The following MEIG1 variants were observed in gnomAD, a reference collection of about 807,000 sequenced individuals.
MEIG1 encodes meiosis expressed gene 1 protein homolog.
In MEIG1, 12 loss-of-function variants were observed where a neutral mutation model predicts 11.3. The ratio of observed to expected loss-of-function variants is 1.07; its 90% CI spans 0.68 to 1.73. The LOEUF (loss-of-function observed/expected upper bound fraction) is 1.73. MEIG1 is among the 40% of genes most tolerant of loss of function. MEIG1 has a pLI of 0.00. For missense variants in MEIG1, 119 were observed against 104.9 expected (o/e 1.13, Z -0.59); for synonymous variants, 41 against 33.2 (o/e 1.24, Z -0.81).
At chr10:14,967,628 T>C (rs1843102161) in intron 2 of MEIG1, among the ~76,000 whole-genome samples, 1 of 152,018 alleles carries the variant, frequency 6.6e-6, no homozygotes, top group African/African-American at 2.4e-5. Flanking sequence ...AGACGTGTTT[T>C]TACAAATTCA....
At chr10:14,971,216 G>GATAATGATAATA (rs1554806492) in intron 2 of MEIG1, among the ~76,000 whole-genome samples, 1 of 143,642 alleles carries the variant, frequency 7.0e-6, no homozygotes, top group Non-Finnish European at 1.5e-5. Flanking sequence ...TAATAATAAT[G>GATAATGATAATA]ATAATAATAA....
intron 1 of MEIG1, among the ~76,000 whole-genome samples, chr10:14,960,611 G>T (rs1843001416): frequency 6.6e-6 from 1 of 151,936 alleles, no homozygotes; most frequent in African/African-American, 2.4e-5. Flanking sequence ...GTAGAGACGG[G>T]GTTTCACTTT....
chr10:14,966,522 A>T lies in MEIG1; in HGVS notation c.54A>T (p.Ser18=). The change falls in exon 2 of 3, where the codon TCA becomes TCT. Residue 18 remains serine, a synonymous_variant. Transcript: ENST00000407572. ...CAGTAAGTCATGCCAAAAAATGGTC[A>T]GAAGAGATAGAAAATCTGTACAGAT... ...PKSVSHAKKW[S]EEIENLYRFQ... is the part of the protein sequence containing the mutation. 6.2e-7 allele frequency: 1 copy of T among 1,613,062 alleles called. No homozygotes were observed. The highest frequency in any genetic ancestry group is 8.5e-7 in the Non-Finnish European group (1 of 1,179,494).
intron 2 of MEIG1, among the ~76,000 whole-genome samples, chr10:14,967,874 C>T (rs985547492): frequency 6.6e-6 from 1 of 152,038 alleles, no homozygotes; most frequent in African/African-American, 2.4e-5. Flanking sequence ...GTGTGGTTTG[C>T]AACTTTTTTC....
intron 1 of MEIG1, among the ~76,000 whole-genome samples, chr10:14,983,271 G>A (rs1004077082): frequency 3.3e-5 from 5 of 152,030 alleles, no homozygotes; most frequent in African/African-American, 1.2e-4. Context: ...TAATATTCAC[G>A]GAAGAAGAGA....
chr10:14,983,589 G>A (rs1293387811), intron 1 of MEIG1, among the ~76,000 whole-genome samples: 17 of 151,926 alleles, frequency 1.1e-4, no homozygotes, highest in South Asian at 1.0e-3. Context: ...TGGAGAGGTT[G>A]ATATTACTCC....
At chr10:14,978,019 G>A (rs56935193) in intron 1 of MEIG1, among the ~76,000 whole-genome samples, 9,234 of 151,680 alleles carry the variant, frequency 0.061, 916 homozygotes, top group African/African-American at 0.2. Flanking sequence ...TTCTATTATT[G>A]TAATATTCTA....
chr10:14,981,475 T>A (rs1467889033), intron 1 of MEIG1, among the ~76,000 whole-genome samples: 2 of 152,170 alleles, frequency 1.3e-5, no homozygotes, highest in Non-Finnish European at 2.9e-5. Context: ...GCAGAAAGCT[T>A]GCTTTGCGGA....
At chr10:14,985,135 A>G (rs957890103) in intron 1 of MEIG1, among the ~76,000 whole-genome samples, 1 of 151,612 alleles carries the variant, frequency 6.6e-6, no homozygotes, top group Admixed American at 6.6e-5. Context: ...CGGGGTGTAC[A>G]CAGAGTCACA....
chr10:14,971,599 T>C (rs761313854), intron 2 of MEIG1, among the ~76,000 whole-genome samples: 1 of 152,112 alleles, frequency 6.6e-6, no homozygotes, highest in African/African-American at 2.4e-5. Context: ...GAAATGCATA[T>C]ACACTTTTGG....
chr10:14,978,870 G>A (rs975402899), intron 1 of MEIG1, among the ~76,000 whole-genome samples: 5 of 151,926 alleles, frequency 3.3e-5, no homozygotes, highest in African/African-American at 4.8e-5. Context: ...TATGTCACAC[G>A]GGGTGCACAC....
rs1589216104 is a variant in MEIG1 at position 14,983,706 on chromosome 10, A to T, written n.67-3090A>T. On this transcript the variant is annotated intron_variant and non_coding_transcript_variant, in intron 1 of 2. Transcript: ENST00000467536. ...GCAGGAGGTGTACACCCACTCTGTG[A>T]TATTTTTTGTAATGTGCAGGGCGGG... is the stretch of plus-strand genomic sequence containing the variant. Among the ~76,000 whole-genome samples, 2 of 152,150 alleles carry T rather than the reference A, an allele frequency of 1.3e-5. 1 individual carries two copies. Among genetic ancestry groups the T allele is most frequent in the East Asian group, 3.9e-4 (2 of 5,180 alleles).
At chr10:14,968,725 T>G (rs565815615) in intron 2 of MEIG1, among the ~76,000 whole-genome samples, 61 of 152,268 alleles carry the variant, frequency 4.0e-4, no homozygotes, top group African/African-American at 1.5e-3. Context: ...TTTTCATTAC[T>G]ATATCATCTA....
At chr10:14,968,914 G>A (rs4748120) in intron 2 of MEIG1, among the ~76,000 whole-genome samples, 121,862 of 151,804 alleles carry the variant, frequency 0.8, 49,438 homozygotes, top group African/African-American at 0.92. Flanking sequence ...CCCTATCTCT[G>A]CTAAAAATAC....
At chr10:14,975,975 C>A (rs1843205448), downstream of MEIG1, among the ~76,000 whole-genome samples, 1 of 152,116 alleles carries the variant, frequency 6.6e-6, no homozygotes, top group African/African-American at 2.4e-5. Context: ...TTGGTAATTT[C>A]CAGAGGCAGA....
downstream of MEIG1, among the ~76,000 whole-genome samples, chr10:14,974,339 G>T (rs559172165): frequency 2.7e-4 from 41 of 152,250 alleles, no homozygotes; most frequent in South Asian, 6.4e-3. Context: ...AGCCCAGGTG[G>T]GGTTGTGGGT....
At chr10:14,960,457 A>T (rs184060315) in intron 1 of MEIG1, among the ~76,000 whole-genome samples, 1 of 151,962 alleles carries the variant, frequency 6.6e-6, no homozygotes, top group African/African-American at 2.4e-5. Flanking sequence ...CTCGCTCTGT[A>T]GCCCAGGCTG....
intron 1 of MEIG1, among the ~76,000 whole-genome samples, chr10:14,966,025 T>C (rs1283412929): frequency 6.6e-6 from 1 of 151,924 alleles, no homozygotes; most frequent in African/African-American, 2.4e-5. Flanking sequence ...AATGGGATTC[T>C]CAACTCTAAG....
exon 3 of MEIG1, chr10:14,987,826 G>T (rs545319065): frequency 3.1e-4 from 55 of 177,352 alleles, no homozygotes; most frequent in Non-Finnish European, 5.5e-4. Context: ...TTAAGAAGCC[G>T]TGAAATACAC....
Sources: gnomAD v4.1 joint callset for allele counts (sites outside exome capture counted in the v4.1 genomes callset) on GRCh38, gnomAD v4.1.1 for gene constraint, MANE v1.5 for transcripts, NCBI Gene and HGNC (gene_info 2026-07-23, HGNC 2026-07-21) for gene names.